DAAM1: variants seen among roughly 807,000 people sequenced by gnomAD.
The protein encoded by DAAM1 is disheveled-associated activator of morphogenesis 1.
DAAM1 carries 52 observed loss-of-function variants against 130.0 expected under a neutral mutation model. That is an observed-to-expected ratio of 0.40 (90% CI 0.32 to 0.50). The LOEUF is 0.50. Among genes scored for constraint, DAAM1 ranks in the 20% least tolerant of loss-of-function variants. The pLI is 0.61. For synonymous variants in DAAM1, 452 were observed against 444.5 expected (o/e 1.02, Z -0.21); for missense variants, 1,134 against 1,303.8 (o/e 0.87, Z 2.01).
chr14:59,320,542 C>T lies in DAAM1; in HGVS notation c.398C>T (p.Thr133Ile). ...EKEEEEERSK[T>I]IESLKTALRT... ...GAAGAAGAAGAAGAAAGAAGTAAAACTATAGAGAGTTTAAAGACAGCACTG... is the reference window on the plus strand; with the variant it reads ...GAAGAAGAAGAAGAAAGAAGTAAAATTATAGAGAGTTTAAAGACAGCACTG... Residue 133 changes from threonine to isoleucine, a missense_variant, in exon 5 of 25, where the codon ACT becomes ATT. Thr to Ile is a moderately conservative substitution (Grantham distance 89, BLOSUM62 -1). Coordinates refer to ENST00000360909, the MANE Select transcript of DAAM1 (RefSeq NM_001270520.2). The T allele has an allele frequency of 1.2e-6, 2 of 1,604,306 alleles. No individual in the cohort carries two copies. Among genetic ancestry groups the T allele is most frequent in the Non-Finnish European group, 1.7e-6 (2 of 1,177,034 alleles).
intron 2 of DAAM1, among the ~76,000 whole-genome samples, chr14:59,274,703 C>T (rs1882878909): frequency 6.6e-6 from 1 of 152,146 alleles, no homozygotes; most frequent in African/African-American, 2.4e-5. Flanking sequence ...ACTGTGGAAT[C>T]CTGCAGCAGT....
At chr14:59,189,449 C>T (rs1887659585) in intron 1 of DAAM1, among the ~76,000 whole-genome samples, 1 of 152,136 alleles carries the variant, frequency 6.6e-6, no homozygotes, top group South Asian at 2.1e-4. Context: ...GCGCCGCCTG[C>T]GGACCCGGTT....
At chr14:59,280,535 C>CTTTTTTTT (rs35354608) in intron 2 of DAAM1, among the ~76,000 whole-genome samples, 752 of 90,676 alleles carry the variant, frequency 8.3e-3, no homozygotes, top group African/African-American at 8.9e-3. Flanking sequence ...GCACACCTTC[C>CTTTTTTTT]TTTTTTTTTT....
intron 18 of DAAM1, among the ~76,000 whole-genome samples, 196 bp downstream of exon 18, chr14:59,352,828 G>A (rs533403496): frequency 3.3e-5 from 5 of 152,000 alleles, no homozygotes; most frequent in African/African-American, 7.3e-5. Flanking sequence ...GATGAGCCAC[G>A]GTGAGGGTTT....
rs572408669 is a variant in DAAM1, at chr14:59,369,340, A to G, written c.*481A>G. The G allele has an allele frequency of 2.6e-5, 4 of 153,332 alleles. No individual in the cohort carries two copies. Among genetic ancestry groups the G allele is most frequent in the Middle Eastern group, 6.8e-3 (2 of 294 alleles). The allele number at this position is 153,332 out of a possible 1,614,324, so 9.5% of individuals were successfully genotyped here. On this transcript the variant is annotated 3_prime_UTR_variant, in exon 25 of 25. Coordinates refer to ENST00000360909, the MANE Select transcript of DAAM1 (RefSeq NM_001270520.2). ...ATGGAACTGGAGTTGTTGGAAAAAC[A>G]TAGATTTAAAATGATTTTTGATAGC...
chr14:59,258,301 T>C (rs1882004186), intron 1 of DAAM1, among the ~76,000 whole-genome samples: 1 of 152,164 alleles, frequency 6.6e-6, no homozygotes, highest in Non-Finnish European at 1.5e-5. Context: ...ATCAAGTGTG[T>C]TTGGGCATGG....
intron 15 of DAAM1, among the ~76,000 whole-genome samples, chr14:59,335,979 C>A (rs948947072): frequency 2.0e-5 from 3 of 150,578 alleles, no homozygotes; most frequent in African/African-American, 7.3e-5. Context: ...GATCCTTAGC[C>A]ATGGCACATG....
chr14:59,200,092 A>G (rs1888052693), intron 1 of DAAM1, among the ~76,000 whole-genome samples: 1 of 152,254 alleles, frequency 6.6e-6, no homozygotes, highest in African/African-American at 2.4e-5. Flanking sequence ...TCAGTGGATT[A>G]GACCCTTTAG....
chr14:59,262,653 A>AGTGTGTGTGTGTGT (rs5809025), intron 1 of DAAM1, among the ~76,000 whole-genome samples: 9 of 140,778 alleles, frequency 6.4e-5, no homozygotes, highest in African/African-American at 1.8e-4. Context: ...ATATTCTATT[A>AGTGTGTGTGTGTGT]GTGTGTGTGT....
intron 2 of DAAM1, chr14:59,266,274 G>A (rs1322842676): frequency 1.3e-5 from 2 of 151,482 alleles, no homozygotes; most frequent in Admixed American, 1.3e-4. Context: ...GTCAACCAAA[G>A]GACATAGGTG....
chr14:59,265,283 C>T (rs1221603438), intron 2 of DAAM1: 1 of 152,074 alleles, frequency 6.6e-6, no homozygotes, highest in Non-Finnish European at 1.5e-5. Context: ...CAGAGTTGGT[C>T]GGGAAAAAGG....
At chr14:59,270,567 A>C (rs927125159) in intron 2 of DAAM1, among the ~76,000 whole-genome samples, 2 of 152,136 alleles carry the variant, frequency 1.3e-5, no homozygotes, top group African/African-American at 4.8e-5. Flanking sequence ...TTTGGAGGGG[A>C]ACACACATCC....
chr14:59,338,401 G>GT (rs1227303413), intron 15 of DAAM1: 8 of 1,613,588 alleles, frequency 5.0e-6, no homozygotes, highest in Non-Finnish European at 6.8e-6. Context: ...TTTGTGAACA[G>GT]TAACTCCAAG....
At chr14:59,346,614 GA>G (rs764632563) in intron 16 of DAAM1, among the ~76,000 whole-genome samples, 2 of 152,042 alleles carry the variant, frequency 1.3e-5, no homozygotes, top group Admixed American at 1.3e-4. Flanking sequence ...CAAAGAAAAG[GA>G]AAAGTCTGGG....
chr14:59,362,982 TTAAA>T lies in DAAM1; in HGVS notation c.2695-665_2695-662del, dbSNP rs1466558051. On this transcript the variant is annotated intron_variant, in intron 22 of 24. Transcript: ENST00000360909. ...CTCACTCATAGGGATGTTGTGAACTTTAAATAAGAATGTGCATCTGGCAATGATT... is the reference window on the plus strand; with the variant it reads ...CTCACTCATAGGGATGTTGTGAACTTTAAGAATGTGCATCTGGCAATGATT... 6 of 152,274 alleles carry T rather than the reference TTAAA, an allele frequency of 3.9e-5. No homozygotes were observed. The East Asian group carries it at 9.6e-4, about 24-fold the overall frequency. The allele number at this position is 152,274 out of a possible 1,614,324, so 9.4% of individuals were successfully genotyped here.
chr14:59,233,852 T>C (rs1267801273), intron 1 of DAAM1, among the ~76,000 whole-genome samples: 1 of 152,236 alleles, frequency 6.6e-6, no homozygotes, highest in Non-Finnish European at 1.5e-5. Context: ...TGCATATGGC[T>C]AGCCAGTTTT....
intron 1 of DAAM1, among the ~76,000 whole-genome samples, chr14:59,242,316 C>A (rs558693003): frequency 3.9e-5 from 6 of 152,186 alleles, no homozygotes; most frequent in Non-Finnish European, 5.9e-5. Context: ...TTATTATATG[C>A]CTAGTAGCAG....
chr14:59,341,339 C>G (rs765198257), intron 16 of DAAM1, among the ~76,000 whole-genome samples: 1 of 152,154 alleles, frequency 6.6e-6, no homozygotes, highest in South Asian at 2.1e-4. Context: ...AAATATCTAT[C>G]TGCCTCAGGA....
At chr14:59,286,153 C>A (rs568736378) in intron 2 of DAAM1, among the ~76,000 whole-genome samples, 1 of 152,176 alleles carries the variant, frequency 6.6e-6, no homozygotes, top group South Asian at 2.1e-4. Context: ...GGAAGTTAAA[C>A]AACCTGCTCC....
Sources: gnomAD v4.1 joint callset for allele counts (sites outside exome capture counted in the v4.1 genomes callset) on GRCh38, gnomAD v4.1.1 for gene constraint, MANE v1.5 for transcripts, NCBI Gene and HGNC (gene_info 2026-07-23, HGNC 2026-07-21) for gene names.